The following PSD3 variants were observed in gnomAD, a reference collection of about 807,000 sequenced individuals.
The protein encoded by PSD3 is PH and SEC7 domain-containing protein 3.
A neutral mutation model predicts 105.5 loss-of-function variants in PSD3; 49 were observed. The ratio of observed to expected loss-of-function variants is 0.46; its 90% CI spans 0.37 to 0.59. The LOEUF (loss-of-function observed/expected upper bound fraction) is 0.59, where lower values mean the gene tolerates loss of function less well. Among genes scored for constraint, PSD3 ranks in the 20% least tolerant of loss-of-function variants. The pLI is 0.00. For missense variants in PSD3, 1,561 were observed against 1,263.8 expected (o/e 1.24, Z -3.57); for synonymous variants, 557 against 457.8 (o/e 1.22, Z -2.77).
intron 9 of PSD3, among the ~76,000 whole-genome samples, chr8:18,715,066 T>C (rs1054889599): frequency 4.6e-5 from 7 of 151,984 alleles, no homozygotes; most frequent in African/African-American, 1.7e-4. Flanking sequence ...CACTCATAAG[T>C]GGGAGATGAA....
rs12542494 is a variant in PSD3, at chr8:18,883,742, T to G, written c.131-11009A>C. Reference sequence around the variant, plus strand: ...TTAAAATAGAAATGTACGGGGAAATTCAGTCTGATAAGATACTATGGAGAA... The same window carrying G: ...TTAAAATAGAAATGTACGGGGAAATGCAGTCTGATAAGATACTATGGAGAA... On this transcript the variant is annotated intron_variant, in intron 2 of 15. Transcript: ENST00000327040. Among the ~76,000 whole-genome samples, 481 of 152,286 alleles carry G rather than the reference T, an allele frequency of 3.2e-3. 2 individuals carry two copies. Among genetic ancestry groups the G allele is most frequent in the Non-Finnish European group, 4.7e-3 (323 of 68,018 alleles).
At chr8:18,613,503 G>C (rs1373851335) in intron 11 of PSD3, among the ~76,000 whole-genome samples, 1 of 152,070 alleles carries the variant, frequency 6.6e-6, no homozygotes, top group Non-Finnish European at 1.5e-5. Context: ...CTACGTGTCT[G>C]CGAGCCTAAT....
intron 2 of PSD3, among the ~76,000 whole-genome samples, chr8:18,933,431 C>T (rs1370618933): frequency 1.3e-5 from 2 of 151,354 alleles, no homozygotes; most frequent in African/African-American, 4.8e-5. Context: ...GTGTCACATT[C>T]AAAGTTATGT....
At chr8:18,747,421 A>G (rs939460321) in intron 9 of PSD3, among the ~76,000 whole-genome samples, 3 of 152,250 alleles carry the variant, frequency 2.0e-5, no homozygotes, top group Admixed American at 6.5e-5. Flanking sequence ...CATGACTGAC[A>G]TAATAGATGG....
chr8:18,612,049 T>C (rs930035937), intron 11 of PSD3, among the ~76,000 whole-genome samples: 1 of 152,108 alleles, frequency 6.6e-6, no homozygotes, highest in African/African-American at 2.4e-5. Flanking sequence ...AAGTAAATGA[T>C]AACAAGCTGT....
chr8:18,855,907 G>A (rs146178778), intron 4 of PSD3, among the ~76,000 whole-genome samples: 1 of 152,262 alleles, frequency 6.6e-6, no homozygotes, highest in Non-Finnish European at 1.5e-5. Context: ...ACACTTTTTG[G>A]TATGCCTCAA....
In PSD3 at chr8:18,602,003, C is replaced by A. The variant is rs561942487; in HGVS notation, c.2411-1569G>T. Among the ~76,000 whole-genome samples the A allele has an allele frequency of 1.2e-4, 19 of 152,274 alleles. No homozygotes were observed. In the South Asian group the frequency reaches 3.5e-3, roughly 28 times the overall value. On this transcript the variant is annotated intron_variant, in intron 11 of 15. Coordinates refer to ENST00000327040, the MANE Select transcript of PSD3 (RefSeq NM_015310.4). ...ACCCACCAGCCCCTAACAAGTCACT[C>A]TACTGCTGTACTTTTGCTTCATTTT... is the stretch of plus-strand genomic sequence containing the variant.
intron 15 of PSD3, among the ~76,000 whole-genome samples, chr8:18,553,029 A>G (rs1800869221): frequency 6.6e-6 from 1 of 152,124 alleles, no homozygotes; most frequent in African/African-American, 2.4e-5. Context: ...AAGGCATAGA[A>G]AGAGAGGTAA....
At chr8:18,983,332 G>A (rs1563485388) in intron 1 of PSD3, among the ~76,000 whole-genome samples, 1 of 152,178 alleles carries the variant, frequency 6.6e-6, no homozygotes, top group African/African-American at 2.4e-5. Context: ...TAAGGCTTCT[G>A]CTTTCTTATC....
At chr8:19,067,180 T>C (rs1166791660) in intron 1 of PSD3, among the ~76,000 whole-genome samples, 1 of 152,226 alleles carries the variant, frequency 6.6e-6, no homozygotes, top group African/African-American at 2.4e-5. Flanking sequence ...TATTGTGCTG[T>C]GCCTTCGTTT....
At chr8:18,689,642 G>A (rs1348095189) in intron 9 of PSD3, among the ~76,000 whole-genome samples, 1 of 152,152 alleles carries the variant, frequency 6.6e-6, no homozygotes. Flanking sequence ...CTTTCCCTAG[G>A]TTCCTCACAT....
intron 1 of PSD3, among the ~76,000 whole-genome samples, chr8:18,976,320 TAAATTAC>T (rs1824942225): frequency 6.6e-6 from 1 of 152,186 alleles, no homozygotes; most frequent in Non-Finnish European, 1.5e-5. Context: ...TATTATTAAA[TAAATTAC>T]AAATTACATT....
At chr8:18,560,546 A>G (rs1801336895) in intron 14 of PSD3, among the ~76,000 whole-genome samples, 1 of 152,150 alleles carries the variant, frequency 6.6e-6, no homozygotes, top group Non-Finnish European at 1.5e-5. Flanking sequence ...TTAGGAAGTG[A>G]TAATTTTTAA....
chr8:18,744,559 A>T (rs1395711192), intron 9 of PSD3, among the ~76,000 whole-genome samples: 1 of 152,198 alleles, frequency 6.6e-6, no homozygotes. Context: ...TTGTACACAT[A>T]CCTTTGTACG....
intron 11 of PSD3, among the ~76,000 whole-genome samples, chr8:18,622,019 G>T (rs1229964849): frequency 1.3e-5 from 2 of 152,118 alleles, no homozygotes; most frequent in Non-Finnish European, 2.9e-5. Flanking sequence ...TGACAGGCAG[G>T]TGTGTAAATC....
intron 9 of PSD3, among the ~76,000 whole-genome samples, chr8:18,665,092 C>A (rs537922487): frequency 6.6e-6 from 1 of 152,146 alleles, no homozygotes; most frequent in Non-Finnish European, 1.5e-5. Context: ...TTCCGTAGAC[C>A]ATGGATCAAG....
At position 18,790,023 on chromosome 8, in the gene PSD3, T is replaced by TAA. The variant is rs542094512; in HGVS notation, c.2082+9270_2082+9271dup. Among the ~76,000 whole-genome samples the TAA allele has an allele frequency of 1.3e-3, 202 of 152,132 alleles. 10 individuals carry two copies. In the South Asian group the frequency reaches 0.04, roughly 30 times the overall value. On this transcript the variant is annotated intron_variant, in intron 8 of 15. Coordinates refer to ENST00000327040, the MANE Select transcript of PSD3 (RefSeq NM_015310.4). ...GCTACCCTGAGGTATTTTCCATATATAAACCTGTTCTTAAAAAAGCAAAAC... is the reference window on the plus strand; with the variant it reads ...GCTACCCTGAGGTATTTTCCATATATAAAAACCTGTTCTTAAAAAAGCAAAAC...
At position 18,540,645 on chromosome 8, in the gene PSD3, C is replaced by T. The variant is rs894903021; in HGVS notation, c.2929-4687G>A. Among the ~76,000 whole-genome samples the T allele has an allele frequency of 6.6e-5, 10 of 152,272 alleles. No individual in the cohort carries two copies. In the East Asian group the frequency reaches 1.2e-3, roughly 18 times the overall value. ...AGTCTGGACCGAGCTCATCACCTTG[C>T]GCCTGGGTTCCTCCCACAGTCGCCT... On this transcript the variant is annotated intron_variant, in intron 15 of 15. Coordinates refer to ENST00000327040, the MANE Select transcript of PSD3 (RefSeq NM_015310.4).
intron 8 of PSD3, among the ~76,000 whole-genome samples, chr8:18,783,501 G>C (rs1390513878): frequency 6.6e-6 from 1 of 151,884 alleles, no homozygotes; most frequent in Non-Finnish European, 1.5e-5. Flanking sequence ...GACTGAGTTT[G>C]CTTTTGTTTC....
Sources: gnomAD v4.1 joint callset for allele counts (sites outside exome capture counted in the v4.1 genomes callset) on GRCh38, gnomAD v4.1.1 for gene constraint, MANE v1.5 for transcripts, NCBI Gene and HGNC (gene_info 2026-07-23, HGNC 2026-07-21) for gene names.